Variants in CNGB3 observed in about 807,000 individuals in gnomAD.
CNGB3 encodes the protein cyclic nucleotide-gated channel beta-3.
CNGB3 carries 86 observed loss-of-function variants against 92.8 expected under a neutral mutation model. The ratio of observed to expected loss-of-function variants is 0.93; its 90% CI spans 0.78 to 1.11. The LOEUF is 1.11. Among genes scored for constraint, CNGB3 ranks in the 50% least tolerant of loss-of-function variants. The probability of loss-of-function intolerance (pLI) is 0.00; values close to 1 mark genes in which losing one functional copy is unlikely to be tolerated. For missense variants in CNGB3, 1,026 were observed against 956.8 expected (o/e 1.07, Z -0.95); for synonymous variants, 333 against 332.7 (o/e 1.00, Z -0.01).
At chr8:86,672,700 A>G (rs1434431085) in intron 3 of CNGB3, among the ~76,000 whole-genome samples, 2 of 152,144 alleles carry the variant, frequency 1.3e-5, no homozygotes, top group African/African-American at 4.8e-5. Flanking sequence ...GCCCCTCTCC[A>G]TGAACCCCTT....
intron 10 of CNGB3, among the ~76,000 whole-genome samples, chr8:86,636,345 G>C (rs577741128): frequency 1.5e-4 from 23 of 152,062 alleles, no homozygotes; most frequent in Non-Finnish European, 2.5e-4. Flanking sequence ...GCTGAGGCGG[G>C]TGGATCACTT....
At chr8:86,585,854 C>T (rs1389098409) in intron 15 of CNGB3, among the ~76,000 whole-genome samples, 1 of 152,116 alleles carries the variant, frequency 6.6e-6, no homozygotes, top group African/African-American at 2.4e-5. Context: ...AAGTAAAGTT[C>T]AGTAAGAGTA....
At chr8:86,696,045 A>G (rs995381945) in intron 3 of CNGB3, among the ~76,000 whole-genome samples, 5 of 151,946 alleles carry the variant, frequency 3.3e-5, no homozygotes, top group African/African-American at 1.2e-4. Flanking sequence ...GCTCTGGTGG[A>G]GGTGGCAGGA....
chr8:86,678,740 T>G (rs1824023599), intron 3 of CNGB3, among the ~76,000 whole-genome samples: 1 of 152,182 alleles, frequency 6.6e-6, no homozygotes, highest in Non-Finnish European at 1.5e-5. Context: ...TCAACCATTT[T>G]AAGGCTAAAG....
At chr8:86,584,022 T>G (rs1821844884) in intron 15 of CNGB3, among the ~76,000 whole-genome samples, 1 of 152,038 alleles carries the variant, frequency 6.6e-6, no homozygotes, top group Admixed American at 6.6e-5. Context: ...ATTTCAAATT[T>G]TTTCCTTTGT....
Position 86,689,506 on chromosome 8 carries a change from TA to T in CNGB3, c.339-18409del, listed in dbSNP as rs561851801. On this transcript the variant is annotated intron_variant, in intron 3 of 17. Transcript: ENST00000320005. ...CACACACACAAACCAATTATATATA[TA>T]TATTTTTTTTACTTTTTATTTTTAT... Among the ~76,000 whole-genome samples, 294 of 150,580 alleles carry T rather than the reference TA, an allele frequency of 2.0e-3. No homozygotes were observed. In the Middle Eastern group the frequency reaches 0.024, roughly 12 times the overall value.
chr8:86,686,543 T>C (rs16916832), intron 3 of CNGB3, among the ~76,000 whole-genome samples: 43,381 of 151,958 alleles, frequency 0.29, 6,511 homozygotes, highest in East Asian at 0.4. Context: ...TCTTTTTAAT[T>C]TGATATTTGA....
chr8:86,612,826 C>T (rs915659895), intron 13 of CNGB3, among the ~76,000 whole-genome samples: 1 of 152,182 alleles, frequency 6.6e-6, no homozygotes, highest in African/African-American at 2.4e-5. Context: ...GACATATCTT[C>T]TTAATACAGT....
intron 10 of CNGB3, among the ~76,000 whole-genome samples, chr8:86,634,429 C>T (rs1823024823): frequency 6.6e-6 from 1 of 152,024 alleles, no homozygotes; most frequent in Non-Finnish European, 1.5e-5. Flanking sequence ...AATATTTTCC[C>T]GATAGGTTTA....
chr8:86,689,355 A>G (rs1824258132), intron 3 of CNGB3, among the ~76,000 whole-genome samples: 3 of 151,836 alleles, frequency 2.0e-5, no homozygotes, highest in African/African-American at 7.3e-5. Context: ...TGGAAGATAT[A>G]TCCAATGCTG....
At chr8:86,647,357 T>C (rs1823308910) in intron 8 of CNGB3, among the ~76,000 whole-genome samples, 1 of 150,980 alleles carries the variant, frequency 6.6e-6, no homozygotes, top group Admixed American at 6.6e-5. Flanking sequence ...AAAAGTATGT[T>C]TACATTTTTT....
intron 3 of CNGB3, among the ~76,000 whole-genome samples, chr8:86,694,558 G>T (rs1482408413): frequency 1.3e-5 from 2 of 151,342 alleles, no homozygotes; most frequent in African/African-American, 4.9e-5. Context: ...TGGTTGCCAG[G>T]CATAGGGTCT....
At chr8:86,665,791 TG>T in intron 6 of CNGB3, among the ~76,000 whole-genome samples, 1 of 152,246 alleles carries the variant, frequency 6.6e-6, no homozygotes, top group Non-Finnish European at 1.5e-5. Context: ...ACCTAATTAT[TG>T]GGTACTATGT....
intron 3 of CNGB3, among the ~76,000 whole-genome samples, chr8:86,691,963 A>G (rs1824327587): frequency 6.6e-6 from 1 of 152,124 alleles, no homozygotes; most frequent in African/African-American, 2.4e-5. Context: ...TTTAATGTTC[A>G]TCTTGATTTC....
chr8:86,625,952 T>A (rs750499938), intron 13 of CNGB3, 31 bp downstream of exon 13: 1 of 1,510,776 alleles, frequency 6.6e-7, no homozygotes. Context: ...GAGAAATAGA[T>A]ACAGAGTCTA....
At chr8:86,626,141 G>T in intron 12 of CNGB3, 61 bp from the exon 13 acceptor site, 2 of 1,319,276 alleles carry the variant, frequency 1.5e-6, no homozygotes, top group South Asian at 1.2e-5. Context: ...AAGTCACCAA[G>T]GTACAAGTAG....
At chr8:86,653,072 G>C (rs779677377) in intron 7 of CNGB3, among the ~76,000 whole-genome samples, 6 of 151,820 alleles carry the variant, frequency 4.0e-5, no homozygotes, top group Non-Finnish European at 5.9e-5. Flanking sequence ...GGGATTTTTC[G>C]GCTCCCTTAT....
intron 12 of CNGB3, among the ~76,000 whole-genome samples, chr8:86,628,283 G>A (rs1285850854): frequency 6.6e-6 from 1 of 152,122 alleles, no homozygotes; most frequent in Non-Finnish European, 1.5e-5. Flanking sequence ...GTTTTGCCAT[G>A]TTGGCCAGGC....
chr8:86,619,071 T>A (rs2131574604), intron 13 of CNGB3, among the ~76,000 whole-genome samples: 1 of 152,378 alleles, frequency 6.6e-6, no homozygotes, highest in East Asian at 1.9e-4. Context: ...AGACATATTG[T>A]GCCTTCCTTG....
Sources: gnomAD v4.1 joint callset for allele counts (sites outside exome capture counted in the v4.1 genomes callset) on GRCh38, gnomAD v4.1.1 for gene constraint, MANE v1.5 for transcripts, NCBI Gene and HGNC (gene_info 2026-07-23, HGNC 2026-07-21) for gene names.